RGS3: variants seen among roughly 807,000 people sequenced by gnomAD.
The protein encoded by RGS3 is regulator of G protein signaling 3.
RGS3 carries 80 observed loss-of-function variants against 132.6 expected under a neutral mutation model. That is an observed-to-expected ratio of 0.60 (90% confidence interval 0.50 to 0.73). The LOEUF is 0.73. Among genes scored for constraint, RGS3 ranks in the 30% least tolerant of loss-of-function variants. The probability of loss-of-function intolerance (pLI) is 0.00; values close to 1 mark genes in which losing one functional copy is unlikely to be tolerated. For missense variants in RGS3, 1,382 were observed against 1,530.8 expected (o/e 0.90, Z 1.62); for synonymous variants, 598 against 620.6 (o/e 0.96, Z 0.54).
At chr9:113,556,265 C>G (rs764915926) in intron 19 of RGS3, among the ~76,000 whole-genome samples, 3 of 152,070 alleles carry the variant, frequency 2.0e-5, no homozygotes, top group Non-Finnish European at 2.9e-5. Flanking sequence ...GTAATTTTTC[C>G]TGGTCCTAAC....
At chr9:113,482,175 G>A (rs1830185578) in intron 4 of RGS3, among the ~76,000 whole-genome samples, 1 of 151,960 alleles carries the variant, frequency 6.6e-6, no homozygotes, top group African/African-American at 2.4e-5. Context: ...GGCAAATGGT[G>A]CTGCCTACTC....
intron 19 of RGS3, chr9:113,541,532 G>A: frequency 6.5e-7 from 1 of 1,539,628 alleles, no homozygotes; most frequent in Admixed American, 1.9e-5. Flanking sequence ...AGAGGACCAA[G>A]ATGGTGGGTC....
At chr9:113,582,368 G>A (rs72763843) in intron 19 of RGS3, 25,139 of 238,564 alleles carry the variant, frequency 0.11, 1,598 homozygotes, top group African/African-American at 0.18. Context: ...CAGTGTGCGC[G>A]TGTGCCCGCA....
intron 19 of RGS3, chr9:113,541,256 C>T: frequency 6.4e-7 from 1 of 1,552,668 alleles, no homozygotes; most frequent in Non-Finnish European, 8.8e-7. Flanking sequence ...GAGGCAGGTC[C>T]TGCAGTCAGG....
chr9:113,448,031 T>C (rs1445997487), intron 1 of RGS3, among the ~76,000 whole-genome samples: 1 of 151,946 alleles, frequency 6.6e-6, no homozygotes, highest in Non-Finnish European at 1.5e-5. Flanking sequence ...CTATTTTTTA[T>C]ATTTTTTGTA....
intron 16 of RGS3, among the ~76,000 whole-genome samples, chr9:113,518,677 C>T (rs1346676052): frequency 6.6e-6 from 1 of 152,206 alleles, no homozygotes; most frequent in Non-Finnish European, 1.5e-5. Context: ...CTCCCTTCCA[C>T]CGCTCGCTGT....
At chr9:113,500,494 T>G (rs1330960768) in intron 10 of RGS3, among the ~76,000 whole-genome samples, 2 of 152,114 alleles carry the variant, frequency 1.3e-5, no homozygotes, top group African/African-American at 2.4e-5. Context: ...AGGACCCAGG[T>G]TCTGGTCCTA....
At chr9:113,547,555 G>C (rs1833168887) in intron 19 of RGS3, among the ~76,000 whole-genome samples, 1 of 152,148 alleles carries the variant, frequency 6.6e-6, no homozygotes. Context: ...ATATAGGTTG[G>C]TGCAAAAGTA....
chr9:113,497,041 C>T (rs564311556), intron 8 of RGS3, among the ~76,000 whole-genome samples: 1 of 152,300 alleles, frequency 6.6e-6, no homozygotes, highest in East Asian at 1.9e-4. Context: ...AGAGCCTGTG[C>T]ACAACTTAGT....
intron 20 of RGS3, among the ~76,000 whole-genome samples, chr9:113,589,595 G>C (rs1294407521): frequency 6.6e-6 from 1 of 152,218 alleles, no homozygotes; most frequent in Non-Finnish European, 1.5e-5. Flanking sequence ...GGAAGCTGAG[G>C]TTAGAATGGG....
intron 1 of RGS3, among the ~76,000 whole-genome samples, chr9:113,451,242 G>A (rs1446827358): frequency 1.3e-5 from 2 of 151,062 alleles, no homozygotes; most frequent in Non-Finnish European, 2.9e-5. Context: ...GAATCTGGAA[G>A]CAAAGGCAAT....
At chr9:113,461,633 A>G in intron 1 of RGS3, 1 of 1,481,768 alleles carries the variant, frequency 6.7e-7, no homozygotes, top group Non-Finnish European at 9.2e-7. Flanking sequence ...GAGGGGACCT[A>G]CAAAGCAGTA....
At chr9:113,503,303 C>G (rs17186238) in intron 10 of RGS3, 21,208 of 152,606 alleles carry the variant, frequency 0.14, 1,984 homozygotes, top group Non-Finnish European at 0.21. Flanking sequence ...TGGGCATACT[C>G]ATTCCCCTAG....
Position 113,506,319 on chromosome 9 carries a change from G to A in RGS3, c.980-69G>A, listed in dbSNP as rs1831130418. 2.1e-6 allele frequency: 2 copies of A among 952,536 alleles called. No individual in the cohort carries two copies. Among genetic ancestry groups the A allele is most frequent in the Non-Finnish European group, 3.3e-6 (2 of 610,978 alleles). 59.0% of individuals were successfully genotyped at this position (952,536 alleles called of 1,614,324 possible). ...TGTCTGAGGTCACCATGGCAGCAAAGGACTCCAGATCCTTTGAAGGGGTCT... is the reference window on the plus strand; with the variant it reads ...TGTCTGAGGTCACCATGGCAGCAAAAGACTCCAGATCCTTTGAAGGGGTCT... On this transcript the variant is annotated intron_variant, in intron 11 of 24. Transcript: ENST00000350696. The surrounding 1 kb of genome is among the most constrained non-coding windows in gnomAD (Gnocchi z 4.7).
chr9:113,533,736 G>A (rs887527776), intron 18 of RGS3, among the ~76,000 whole-genome samples: 1 of 152,208 alleles, frequency 6.6e-6, no homozygotes, highest in African/African-American at 2.4e-5. Flanking sequence ...TTTCCAAGCT[G>A]GAAGGGACCA....
At chr9:113,453,266 AC>A in intron 1 of RGS3, among the ~76,000 whole-genome samples, 1 of 76,318 alleles carries the variant, frequency 1.3e-5, no homozygotes, top group African/African-American at 5.3e-5. Flanking sequence ...TTATATGATT[AC>A]ATAATATACT....
At chr9:113,480,533 G>A (rs1046590482) in intron 4 of RGS3, among the ~76,000 whole-genome samples, 3 of 152,060 alleles carry the variant, frequency 2.0e-5, no homozygotes, top group African/African-American at 4.8e-5. Context: ...GCTAGGGGCT[G>A]GGAACACCAA....
chr9:113,482,974 GAT>G, intron 4 of RGS3, 83 bp from the exon 3 acceptor site: 2 of 1,607,208 alleles, frequency 1.2e-6, no homozygotes, highest in Middle Eastern at 1.7e-4. Context: ...CGTGTGGATG[GAT>G]ATGTCTATGT....
At chr9:113,485,554 G>T in intron 6 of RGS3, 71 bp from the exon 5 acceptor site, 1 of 1,211,920 alleles carries the variant, frequency 8.3e-7, no homozygotes, top group South Asian at 1.3e-5. Context: ...AATTATGACT[G>T]ACTCTATGAG....
Sources: allele counts gnomAD v4.1 joint callset (sites outside exome capture counted in the v4.1 genomes callset), GRCh38; gene constraint gnomAD v4.1.1; non-coding constraint Gnocchi (gnomAD v3.1); transcripts MANE v1.5; gene names NCBI Gene and HGNC (gene_info 2026-07-23, HGNC 2026-07-21).